ZNF202: variants seen among roughly 807,000 people sequenced by gnomAD.
The protein encoded by ZNF202 is zinc finger protein 202.
ZNF202 carries 22 observed loss-of-function variants against 54.5 expected under a neutral mutation model. The observed-to-expected ratio is 0.40, with a 90% CI of 0.29 to 0.58. The LOEUF is 0.58. Among genes scored for constraint, ZNF202 ranks in the 20% least tolerant of loss-of-function variants. The probability of loss-of-function intolerance (pLI) is 0.39; values close to 1 mark genes in which losing one functional copy is unlikely to be tolerated. For missense variants in ZNF202, 644 were observed against 805.5 expected, an observed-to-expected ratio of 0.80 and a Z score of 2.43; for synonymous variants, 294 against 301.4, an observed-to-expected ratio of 0.98 and a Z score of 0.26.
At chr11:123,732,926 C>T (rs145553453) in intron 3 of ZNF202, among the ~76,000 whole-genome samples, 439 of 152,072 alleles carry the variant, frequency 2.9e-3, no homozygotes, top group African/African-American at 9.8e-3. Flanking sequence ...TGCCATTTCC[C>T]GGTTGAGCCA....
At chr11:123,731,954 C>A (rs990677664) in intron 3 of ZNF202, among the ~76,000 whole-genome samples, 1 of 152,178 alleles carries the variant, frequency 6.6e-6, no homozygotes, top group Non-Finnish European at 1.5e-5. Flanking sequence ...CTACCTTTTC[C>A]CTGTATCACC....
intron 1 of ZNF202, among the ~76,000 whole-genome samples, chr11:123,741,180 C>T (rs1180561029): frequency 6.6e-6 from 1 of 152,078 alleles, no homozygotes; most frequent in Non-Finnish European, 1.5e-5. Flanking sequence ...GGGCCTAGAC[C>T]ACTCCTCCCT....
chr11:123,732,123 T>C lies in ZNF202; in HGVS notation c.-97-1138A>G, dbSNP rs549413378. Among the ~76,000 whole-genome samples, 13 of 152,332 alleles carry C rather than the reference T, an allele frequency of 8.5e-5. No homozygotes were observed. The East Asian group carries it at 2.5e-3, about 29-fold the overall frequency. ...CTTTCTTTTTAACGGGTCTTGTCTT[T>C]ATTCCCACAATTTACAGCTTAGGTC... is the stretch of plus-strand genomic sequence containing the variant. On this transcript the variant is annotated intron_variant, in intron 3 of 8. Coordinates refer to ENST00000530393, the MANE Select transcript of ZNF202 (RefSeq NM_003455.4).
chr11:123,736,091 C>T (rs950597646), intron 3 of ZNF202, among the ~76,000 whole-genome samples: 1 of 152,134 alleles, frequency 6.6e-6, no homozygotes. Context: ...CAAGGTAAGA[C>T]CTCTGTACAA....
At position 123,726,753 on chromosome 11, in the gene ZNF202, AT is replaced by A; in HGVS notation, c.1190del (p.His397LeufsTer20). On this transcript the variant is annotated frameshift_variant, in exon 9 of 9. Transcript: ENST00000530393. LOFTEE classifies it high-confidence loss of function. The surrounding 1 kb of genome is among the most constrained non-coding windows in gnomAD (Gnocchi z 6.0). ...AGCTCTTTCCACACACAGAACAGTC[AT>A]GATGCCTCCCTAACAGGGGGTGGAC... ...TPVHPLLGRH[H>X]DCSVCGKSFT... The A allele has an allele frequency of 6.2e-7, 1 of 1,614,218 alleles. No individual in the cohort carries two copies. The highest frequency in any genetic ancestry group is 8.5e-7 in the Non-Finnish European group (1 of 1,180,030).
Position 123,725,976 on chromosome 11 carries a change from TCTC to T in ZNF202, c.*18_*20del, listed in dbSNP as rs1861112137. 1 of 1,591,900 alleles carries T rather than the reference TCTC, an allele frequency of 6.3e-7. No individual in the cohort carries two copies. Among genetic ancestry groups the T allele is most frequent in the Non-Finnish European group, 8.6e-7 (1 of 1,167,708 alleles). ...CCCTTAGGTGAGGGCTGAAAGCAGA[TCTC>T]CTCACATGGGGACCTAGCTAGGAGG... On this transcript the variant is annotated 3_prime_UTR_variant, in exon 9 of 9. Coordinates refer to ENST00000530393, the MANE Select transcript of ZNF202 (RefSeq NM_003455.4).
chr11:123,729,514 C>CT (rs1230582088), intron 5 of ZNF202, 101 bp downstream of exon 5: 1 of 1,333,416 alleles, frequency 7.5e-7, no homozygotes, highest in East Asian at 2.5e-5. Context: ...TCCATACAGT[C>CT]TATCTACCCA....
intron 4 of ZNF202, 25 bp from the exon 5 acceptor site, chr11:123,729,850 C>T (rs746961073): frequency 6.4e-7 from 1 of 1,574,548 alleles, no homozygotes; most frequent in Non-Finnish European, 8.6e-7. Context: ...AACTTCCAGT[C>T]ACCATGGAGT....
chr11:123,724,684 C>G lies in ZNF202; in HGVS notation c.*1313G>C, dbSNP rs1231126685. ...ATTATTCAGCCTCATCTCCAAGGAA[C>G]CTTTAACTGGCAACAGAGATTGTTG... On this transcript the variant is annotated 3_prime_UTR_variant, in exon 9 of 9. Coordinates refer to ENST00000530393, the MANE Select transcript of ZNF202 (RefSeq NM_003455.4). 6.6e-6 allele frequency: 1 copy of G among 152,218 alleles called. No individual in the cohort carries two copies. The highest frequency in any genetic ancestry group is 2.1e-4 in the South Asian group (1 of 4,830). The allele number at this position is 152,218 out of a possible 1,614,324, so 9.4% of individuals were successfully genotyped here.
Position 123,728,820 on chromosome 11 carries a change from TA to T in ZNF202, c.702+305del, listed in dbSNP as rs11428083. Among the ~76,000 whole-genome samples the T allele has an allele frequency of 9.9e-3, 1,420 of 143,058 alleles. 7 individuals are homozygous for T. The highest frequency in any genetic ancestry group is 0.025 in the Middle Eastern group (7 of 284). 93.9% of individuals were successfully genotyped at this position (143,058 alleles called of 152,430 possible). A position where few individuals can be genotyped will look rare whatever the true frequency, so the allele number is the denominator to read the frequency against. On this transcript the variant is annotated intron_variant, in intron 6 of 8. Coordinates refer to ENST00000530393, the MANE Select transcript of ZNF202 (RefSeq NM_003455.4). ...CAAATGACTATCAAATTTATTCCTT[TA>T]AAAAAAAAAAAAACTAAAAAACCCT...
Position 123,729,763 on chromosome 11 carries a change from C to T in ZNF202, c.465G>A (p.Glu155=), listed in dbSNP as rs557106328. 1.9e-5 allele frequency: 31 copies of T among 1,614,026 alleles called. No individual in the cohort carries two copies. The South Asian group carries it at 3.0e-4, about 15-fold the overall frequency. Residue 155 remains glutamate (E), a synonymous_variant, in exon 5 of 9, where the codon GAG becomes GAA. Coordinates refer to ENST00000530393, the MANE Select transcript of ZNF202 (RefSeq NM_003455.4). Reference sequence around the variant, plus strand: ...CCTGCAGCTCATTAGGTGACTCAGGCTCCACTCCTAAATGCACCGTCTCCT... The same window carrying T: ...CCTGCAGCTCATTAGGTGACTCAGGTTCCACTCCTAAATGCACCGTCTCCT... ...LSEETVHLGV[E]PESPNELQDP...
chr11:123,740,733 T>C (rs1019412063), intron 1 of ZNF202, among the ~76,000 whole-genome samples, 197 bp from the exon 2 acceptor site: 27 of 152,218 alleles, frequency 1.8e-4, no homozygotes, highest in African/African-American at 6.3e-4. Context: ...CATTCATTGT[T>C]CAGAAAAACA....
intron 3 of ZNF202, among the ~76,000 whole-genome samples, chr11:123,734,654 T>C (rs923359347): frequency 4.6e-5 from 7 of 152,200 alleles, no homozygotes; most frequent in African/African-American, 1.4e-4. Context: ...TCATCTTCTG[T>C]TGAACTCACT....
At position 123,731,616 on chromosome 11, in the gene ZNF202, A is replaced by G. The variant is rs185519916; in HGVS notation, c.-97-631T>C. 1.3e-3 allele frequency among the ~76,000 whole-genome samples: 191 copies of G among 152,278 alleles called. 1 individual carries two copies. The highest frequency in any genetic ancestry group is 4.4e-3 in the African/African-American group (181 of 41,552). On this transcript the variant is annotated intron_variant, in intron 3 of 8. Transcript: ENST00000530393. ...ATCCTGGCTCTGTCGCTTACTAGGT[A>G]TTTCCAGAGTGGGACCATAGGCAAG...
intron 3 of ZNF202, among the ~76,000 whole-genome samples, chr11:123,736,849 A>G (rs1861653624): frequency 6.6e-6 from 1 of 152,346 alleles, no homozygotes; most frequent in South Asian, 2.1e-4. Context: ...ACCCTTCAGT[A>G]TAGAGTCTGG....
At chr11:123,733,246 T>TTATGAC (rs1861489099) in intron 3 of ZNF202, among the ~76,000 whole-genome samples, 1 of 147,834 alleles carries the variant, frequency 6.8e-6, no homozygotes, top group Non-Finnish European at 1.5e-5. Context: ...CAGTCAATGA[T>TTATGAC]CACATTATCT....
chr11:123,727,110 GT>G, intron 8 of ZNF202, 119 bp from the exon 9 acceptor site: 1 of 1,278,340 alleles, frequency 7.8e-7, no homozygotes, highest in Non-Finnish European at 1.1e-6. Context: ...TGCCTGTCCT[GT>G]GCCAAGCACT....
In ZNF202 at chr11:123,725,814, T is replaced by A. The variant is rs182582061; in HGVS notation, c.*183A>T. The A allele has an allele frequency of 2.3e-4, 159 of 679,320 alleles. No individual in the cohort carries two copies. In the African/African-American group the frequency reaches 2.5e-3, roughly 11 times the overall value. 42.1% of individuals were successfully genotyped at this position (679,320 alleles called of 1,614,324 possible). ...TTGGATGAAACATCCCCTCAAGGCGTAGAGGAAGGCTGAGAGGTTCTGCCC... is the reference window on the plus strand; with the variant it reads ...TTGGATGAAACATCCCCTCAAGGCGAAGAGGAAGGCTGAGAGGTTCTGCCC... On this transcript the variant is annotated 3_prime_UTR_variant, in exon 9 of 9. Coordinates refer to ENST00000530393, the MANE Select transcript of ZNF202 (RefSeq NM_003455.4).
chr11:123,727,839 A>C (rs995479851), intron 7 of ZNF202, among the ~76,000 whole-genome samples: 6 of 152,210 alleles, frequency 3.9e-5, no homozygotes, highest in African/African-American at 1.4e-4. Context: ...CCCATATTCA[A>C]GAAAGATTAT....
Sources: gnomAD v4.1 joint callset for allele counts (sites outside exome capture counted in the v4.1 genomes callset) on GRCh38, gnomAD v4.1.1 for gene constraint, Gnocchi (gnomAD v3.1) non-coding constraint, MANE v1.5 for transcripts, NCBI Gene and HGNC (gene_info 2026-07-23, HGNC 2026-07-21) for gene names.